The following WNK2 variants were observed in gnomAD, a reference collection of about 807,000 sequenced individuals.
WNK2 encodes serine/threonine-protein kinase WNK2.
A neutral mutation model predicts 192.1 loss-of-function variants in WNK2; 67 were observed. The ratio of observed to expected loss-of-function variants is 0.35; its 90% CI spans 0.29 to 0.43. The LOEUF (loss-of-function observed/expected upper bound fraction) is 0.43. Among genes scored for constraint, WNK2 ranks in the 20% least tolerant of loss-of-function variants. WNK2 has a pLI of 1.00. For missense variants in WNK2, 2,698 were observed against 3,089.7 expected (o/e 0.87, Z 3.01); for synonymous variants, 1,439 against 1,393.9 (o/e 1.03, Z -0.72).
chr9:93,293,261 A>C, intron 23 of WNK2, 88 bp downstream of exon 23: 1 of 1,303,184 alleles, frequency 7.7e-7, no homozygotes, highest in Non-Finnish European at 1.0e-6. Context: ...GCCGGGGCTG[A>C]AGTCCTGGCC....
At chr9:93,250,137 A>G (rs1842357628) in intron 8 of WNK2, among the ~76,000 whole-genome samples, 1 of 152,100 alleles carries the variant, frequency 6.6e-6, no homozygotes, top group South Asian at 2.1e-4. Context: ...CATGTAGCCT[A>G]CCACACACAT....
intron 8 of WNK2, among the ~76,000 whole-genome samples, chr9:93,252,602 G>A (rs1201166715): frequency 2.6e-5 from 4 of 152,326 alleles, no homozygotes; most frequent in East Asian, 1.9e-4. Context: ...CCCAGGCCAC[G>A]GCGGGCTGGT....
intron 2 of WNK2, among the ~76,000 whole-genome samples, chr9:93,218,054 C>T (rs1451752010): frequency 2.0e-5 from 3 of 152,042 alleles, no homozygotes; most frequent in African/African-American, 7.2e-5. Context: ...AAGGGCCTGC[C>T]TTCGAGGGGC....
intron 2 of WNK2, among the ~76,000 whole-genome samples, chr9:93,213,569 C>T (rs371148614): frequency 6.6e-6 from 1 of 152,304 alleles, no homozygotes; most frequent in Non-Finnish European, 1.5e-5. Context: ...ACTGGTGGAT[C>T]ACCTGAGATT....
At chr9:93,298,181 G>T (rs1850939881) in intron 24 of WNK2, 114 bp downstream of exon 24, 12 of 1,144,450 alleles carry the variant, frequency 1.0e-5, no homozygotes, top group Middle Eastern at 2.9e-4. Context: ...ACCACTCGGG[G>T]TTATCTCCTT....
At chr9:93,193,809 C>G (rs1421440706) in intron 2 of WNK2, among the ~76,000 whole-genome samples, 1 of 152,238 alleles carries the variant, frequency 6.6e-6, no homozygotes, top group East Asian at 1.9e-4. Flanking sequence ...TTGATTACGA[C>G]TTCTTATTTA....
intron 19 of WNK2, among the ~76,000 whole-genome samples, chr9:93,287,858 C>T (rs113598471): frequency 5.2e-4 from 79 of 152,166 alleles, no homozygotes; most frequent in African/African-American, 1.7e-3. Flanking sequence ...CCCAGGAGTA[C>T]AAGACCAGCC....
intron 26 of WNK2, among the ~76,000 whole-genome samples, chr9:93,305,552 T>G (rs755774528): frequency 6.6e-6 from 1 of 152,224 alleles, no homozygotes; most frequent in Non-Finnish European, 1.5e-5. Context: ...CCACCTCACC[T>G]TTCCCCACAC....
intron 19 of WNK2, among the ~76,000 whole-genome samples, chr9:93,269,579 G>C (rs780395297): frequency 6.6e-6 from 1 of 152,210 alleles, no homozygotes; most frequent in Admixed American, 6.5e-5. Flanking sequence ...AGAAATCAGA[G>C]AGAAGCAGCC....
intron 19 of WNK2, among the ~76,000 whole-genome samples, chr9:93,283,461 G>A (rs965342753): frequency 6.6e-6 from 1 of 152,144 alleles, no homozygotes. Flanking sequence ...GGATGAAAAG[G>A]GGGAGACACT....
At chr9:93,246,733 G>A (rs1336712753) in intron 7 of WNK2, among the ~76,000 whole-genome samples, 3 of 152,190 alleles carry the variant, frequency 2.0e-5, no homozygotes, top group South Asian at 2.1e-4. Flanking sequence ...GGGCACCTCC[G>A]CCCTACTGCA....
chr9:93,309,246 C>G, intron 28 of WNK2: 2 of 515,428 alleles, frequency 3.9e-6, no homozygotes, highest in Non-Finnish European at 5.0e-6. Context: ...ATACTTTCCT[C>G]TATGATCTTT....
chr9:93,262,526 C>T (rs1189212826), intron 13 of WNK2, 144 bp from the exon 14 acceptor site: 7 of 869,838 alleles, frequency 8.0e-6, no homozygotes, highest in Non-Finnish European at 9.2e-6. Context: ...TCGTACCCAC[C>T]TGGCTGCAGA....
intron 2 of WNK2, among the ~76,000 whole-genome samples, chr9:93,225,601 C>A (rs1246318072): frequency 6.6e-6 from 1 of 152,126 alleles, no homozygotes; most frequent in Non-Finnish European, 1.5e-5. Context: ...CAGGGTACGC[C>A]CCCCTACTTC....
At chr9:93,196,315 A>G (rs35438843) in intron 2 of WNK2, among the ~76,000 whole-genome samples, 22,762 of 152,084 alleles carry the variant, frequency 0.15, 1,775 homozygotes, top group South Asian at 0.22. Context: ...CTCAGCTGTG[A>G]GCCGACTGTG....
At chr9:93,235,425 T>A (rs1182707689) in intron 5 of WNK2, among the ~76,000 whole-genome samples, 1 of 152,254 alleles carries the variant, frequency 6.6e-6, no homozygotes, top group African/African-American at 2.4e-5. Flanking sequence ...AACCAGTCAC[T>A]CCTACACCAA....
chr9:93,250,726 A>G (rs1342787306), intron 8 of WNK2, among the ~76,000 whole-genome samples: 1 of 151,722 alleles, frequency 6.6e-6, no homozygotes, highest in African/African-American at 2.4e-5. Context: ...ACATTTACCA[A>G]TAGTTTCAAA....
chr9:93,244,040 G>A (rs1412495185), intron 7 of WNK2, among the ~76,000 whole-genome samples: 1 of 152,250 alleles, frequency 6.6e-6, no homozygotes, highest in African/African-American at 2.4e-5. Flanking sequence ...TTTGCTGTGA[G>A]CTGTATCCTG....
In WNK2 at chr9:93,249,181, G is replaced by A. The variant is rs756237502; in HGVS notation, c.1834+1347G>A. Among the ~76,000 whole-genome samples, 6 of 152,184 alleles carry A rather than the reference G, an allele frequency of 3.9e-5. No individual in the cohort carries two copies. In the South Asian group the frequency reaches 1.0e-3, roughly 26 times the overall value. ...TTCTTCACATCTGACACAGCACTAC[G>A]CACTTTTAAATCGTAATTGTGGGTT... On this transcript the variant is annotated intron_variant, in intron 8 of 29. Coordinates refer to ENST00000427277, the MANE Select transcript of WNK2 (RefSeq NM_006648.4).
Sources: gnomAD v4.1 joint callset for allele counts (sites outside exome capture counted in the v4.1 genomes callset) on GRCh38, gnomAD v4.1.1 for gene constraint, MANE v1.5 for transcripts, NCBI Gene and HGNC (gene_info 2026-07-23, HGNC 2026-07-21) for gene names.